The following PDE10A variants were observed in gnomAD, a reference collection of about 807,000 sequenced individuals.
The protein encoded by PDE10A is phosphodiesterase 10A.
In PDE10A, 39 loss-of-function variants were observed where a neutral mutation model predicts 97.7. The ratio of observed to expected loss-of-function variants is 0.40; its 90% CI spans 0.31 to 0.52. The LOEUF (loss-of-function observed/expected upper bound fraction) is 0.52. Among genes scored for constraint, PDE10A ranks in the 20% least tolerant of loss-of-function variants. The probability of loss-of-function intolerance (pLI) is 0.56; values close to 1 mark genes in which losing one functional copy is unlikely to be tolerated. For missense variants in PDE10A, 731 were observed against 1,047.8 expected (o/e 0.70, Z 4.17); for synonymous variants, 371 against 376.8 (o/e 0.98, Z 0.18).
chr6:165,846,244 T>A (rs1309231391), intron 1 of PDE10A, among the ~76,000 whole-genome samples: 1 of 152,196 alleles, frequency 6.6e-6, no homozygotes, highest in Non-Finnish European at 1.5e-5. Context: ...ATAGGGGCCA[T>A]GAGCCACACC....
intron 2 of PDE10A, among the ~76,000 whole-genome samples, chr6:165,490,235 A>T (rs192218760): frequency 1.1e-3 from 171 of 152,340 alleles, no homozygotes; most frequent in Non-Finnish European, 2.2e-3. Flanking sequence ...TGTCAGACTA[A>T]CAGCAGACTT....
chr6:165,970,954 C>T (rs1325496804), intron 1 of PDE10A, among the ~76,000 whole-genome samples: 1 of 152,158 alleles, frequency 6.6e-6, no homozygotes, highest in Non-Finnish European at 1.5e-5. Flanking sequence ...CGAGACCCAG[C>T]CTGGCCAACA....
chr6:165,665,711 AAG>A (rs1364998731), upstream of PDE10A, among the ~76,000 whole-genome samples: 1 of 152,146 alleles, frequency 6.6e-6, no homozygotes, highest in Non-Finnish European at 1.5e-5. Flanking sequence ...AAAAAACTAA[AAG>A]AATATTAAGA....
intron 3 of PDE10A, among the ~76,000 whole-genome samples, chr6:165,476,339 TATA>T (rs1448610025): frequency 6.6e-6 from 1 of 152,076 alleles, no homozygotes; most frequent in African/African-American, 2.4e-5. Context: ...TTATCAACAG[TATA>T]ATAAGACAGA....
At position 165,504,977 on chromosome 6, in the gene PDE10A, T is replaced by C. The variant is rs1781106759; in HGVS notation, c.995-22634A>G. 2.0e-5 allele frequency among the ~76,000 whole-genome samples: 3 copies of C among 152,262 alleles called. No homozygotes were observed. In the South Asian group the frequency reaches 6.2e-4, roughly 32 times the overall value. On this transcript the variant is annotated intron_variant, in intron 2 of 21. Coordinates refer to ENST00000539869, the MANE Select transcript of PDE10A (RefSeq NM_001385079.1). ...GCGGTTCCCACTTTCCTGAGGAGTA[T>C]CAATCCACAGCCACCAGATTGCTGT... is the stretch of plus-strand genomic sequence containing the variant.
At chr6:165,446,511 G>C (rs1455557022) in intron 5 of PDE10A, among the ~76,000 whole-genome samples, 2 of 152,184 alleles carry the variant, frequency 1.3e-5, no homozygotes, top group African/African-American at 4.8e-5. Flanking sequence ...GGGCAAAATA[G>C]AGTGAGCAAA....
chr6:165,379,239 T>C lies in PDE10A; in HGVS notation c.2738A>G (p.Glu913Gly). The C allele has an allele frequency of 6.2e-7, 1 of 1,613,790 alleles. No homozygotes were observed. The highest frequency in any genetic ancestry group is 8.5e-7 in the Non-Finnish European group (1 of 1,179,756). ...GTTTAGTGATCCGGTCTGGTACATCTCTTCCAACTGCTTCCTGTTTCCAAA... is the reference window on the plus strand; with the variant it reads ...GTTTAGTGATCCGGTCTGGTACATCCCTTCCAACTGCTTCCTGTTTCCAAA... ...LYFGNRKQLE[E>G]MYQTGSLNLN... The change falls in exon 18 of 22, where the codon GAG (glutamate) becomes GGG (glycine). Residue 913 changes from glutamate to glycine, a missense_variant. Physicochemically the swap from Glu to Gly is moderately conservative, Grantham distance 98 (BLOSUM62 -2). This residue lies in a region of PDE10A where 96 missense variants were observed against 156.7 expected (regional missense o/e 0.61). Coordinates refer to ENST00000539869, the MANE Select transcript of PDE10A (RefSeq NM_001385079.1).
At chr6:165,384,393 G>A (rs1345640869) in intron 17 of PDE10A, among the ~76,000 whole-genome samples, 1 of 152,060 alleles carries the variant, frequency 6.6e-6, no homozygotes, top group Admixed American at 6.6e-5. Context: ...CAATCCTGAT[G>A]GCCAGCATTA....
chr6:165,574,258 TA>T (rs67675157), intron 1 of PDE10A, among the ~76,000 whole-genome samples: 459 of 142,188 alleles, frequency 3.2e-3, no homozygotes, highest in Admixed American at 3.3e-3. Context: ...TTACATTCTT[TA>T]AAAAAAAAAA....
At chr6:165,375,027 A>C (rs73030170) in intron 18 of PDE10A, among the ~76,000 whole-genome samples, 11,639 of 152,188 alleles carry the variant, frequency 0.076, 511 homozygotes, top group Middle Eastern at 0.2. Flanking sequence ...GTGTGTATTC[A>C]GACTGCTCCA....
chr6:165,930,160 G>A (rs942097750), intron 1 of PDE10A, among the ~76,000 whole-genome samples: 1 of 152,206 alleles, frequency 6.6e-6, no homozygotes, highest in South Asian at 2.1e-4. Flanking sequence ...CTCCAGGCAT[G>A]AGGGTGGCAG....
chr6:165,405,602 A>G (rs776144937), intron 13 of PDE10A, among the ~76,000 whole-genome samples: 5 of 152,236 alleles, frequency 3.3e-5, no homozygotes, highest in Admixed American at 1.3e-4. Context: ...CTGGGGAATA[A>G]GTATTGTTTC....
At chr6:165,852,926 C>A (rs780499215) in intron 1 of PDE10A, among the ~76,000 whole-genome samples, 1 of 152,238 alleles carries the variant, frequency 6.6e-6, no homozygotes, top group Admixed American at 6.5e-5. Flanking sequence ...CTGCCTCCTG[C>A]GATCTGGTTT....
chr6:165,429,620 T>C (rs546851246), intron 9 of PDE10A, among the ~76,000 whole-genome samples: 23 of 152,182 alleles, frequency 1.5e-4, no homozygotes, highest in African/African-American at 5.3e-4. Context: ...ATTATTCCTT[T>C]AGTGAACTTG....
At chr6:165,761,567 G>A (rs948742706) in intron 1 of PDE10A, among the ~76,000 whole-genome samples, 3 of 152,054 alleles carry the variant, frequency 2.0e-5, no homozygotes, top group Admixed American at 6.6e-5. Flanking sequence ...AATGATCAAC[G>A]TGAAGTTAAG....
intron 1 of PDE10A, among the ~76,000 whole-genome samples, chr6:165,630,175 CCT>C: frequency 6.6e-6 from 1 of 152,150 alleles, no homozygotes; most frequent in Non-Finnish European, 1.5e-5. Flanking sequence ...ATGATGAAAC[CCT>C]GTCTCTATAA....
At chr6:165,575,004 C>G (rs903427837) in intron 1 of PDE10A, among the ~76,000 whole-genome samples, 2 of 152,158 alleles carry the variant, frequency 1.3e-5, no homozygotes, top group Non-Finnish European at 2.9e-5. Context: ...TATCCTTACA[C>G]CTCATTCTTC....
At chr6:165,751,179 C>G (rs10946101) in intron 1 of PDE10A, among the ~76,000 whole-genome samples, 8,670 of 152,298 alleles carry the variant, frequency 0.057, 377 homozygotes, top group Non-Finnish European at 0.084. Flanking sequence ...CACCACATAC[C>G]AAGCACCTTT....
At chr6:165,757,697 A>C (rs1426146173) in intron 1 of PDE10A, among the ~76,000 whole-genome samples, 2 of 152,148 alleles carry the variant, frequency 1.3e-5, no homozygotes, top group Non-Finnish European at 1.5e-5. Flanking sequence ...TTATACGTCT[A>C]TAGTATGTCT....
Sources: allele counts gnomAD v4.1 joint callset (sites outside exome capture counted in the v4.1 genomes callset), GRCh38; gene constraint gnomAD v4.1.1; regional missense constraint gnomAD v4.1.1; transcripts MANE v1.5; gene names NCBI Gene and HGNC (gene_info 2026-07-23, HGNC 2026-07-21).